The following RGS6 variants were observed in gnomAD, a reference collection of about 807,000 sequenced individuals.
RGS6 encodes regulator of G-protein signaling 6.
In RGS6, 30 loss-of-function variants were observed where a neutral mutation model predicts 78.5. That is an observed-to-expected ratio of 0.38 (90% CI 0.29 to 0.52). The LOEUF (loss-of-function observed/expected upper bound fraction) is 0.52. RGS6 is among the 20% of genes least tolerant of loss of function. RGS6 has a pLI of 0.85. For synonymous variants in RGS6, 206 were observed against 206.0 expected, an observed-to-expected ratio of 1.00 and a Z score of 0.00; for missense variants, 495 against 609.7, an observed-to-expected ratio of 0.81 and a Z score of 1.98.
chr14:72,289,249 G>A (rs955590250), intron 2 of RGS6, among the ~76,000 whole-genome samples: 4 of 151,962 alleles, frequency 2.6e-5, no homozygotes, highest in Non-Finnish European at 5.9e-5. Context: ...TAACCTGCAT[G>A]CTCTCCCTCT....
At chr14:72,115,342 T>G (rs2095862898) in intron 2 of RGS6, among the ~76,000 whole-genome samples, 1 of 152,074 alleles carries the variant, frequency 6.6e-6, no homozygotes, top group African/African-American at 2.4e-5. Context: ...GGTAGGCAGT[T>G]GGGAAGGGAA....
chr14:72,622,438 G>T, the RGS6 span, among the ~76,000 whole-genome samples: 1 of 152,076 alleles, frequency 6.6e-6, no homozygotes, highest in Non-Finnish European at 1.5e-5. Context: ...GATAATACAA[G>T]GAGAAACAAG....
chr14:72,312,679 T>G (rs1436876891), intron 2 of RGS6, among the ~76,000 whole-genome samples: 1 of 152,208 alleles, frequency 6.6e-6, no homozygotes, highest in African/African-American at 2.4e-5. Context: ...AGGTAGCTCA[T>G]GCGTCGACAG....
chr14:72,406,324 C>T (rs1347179824), intron 3 of RGS6, among the ~76,000 whole-genome samples: 2 of 151,942 alleles, frequency 1.3e-5, no homozygotes, highest in African/African-American at 4.8e-5. Context: ...GCAGAGGTTG[C>T]AGTGAGATGA....
At chr14:72,094,892 A>G (rs886539941) in intron 2 of RGS6, among the ~76,000 whole-genome samples, 4 of 152,190 alleles carry the variant, frequency 2.6e-5, no homozygotes, top group Non-Finnish European at 5.9e-5. Flanking sequence ...CTATTCTTGC[A>G]ATTACACAAC....
chr14:71,919,862 C>T, the RGS6 span, among the ~76,000 whole-genome samples: 1 of 152,130 alleles, frequency 6.6e-6, no homozygotes, highest in Non-Finnish European at 1.5e-5. Context: ...GGAATGGTTG[C>T]ATGTGCCTGT....
chr14:72,055,738 G>A (rs1197509813), intron 2 of RGS6, among the ~76,000 whole-genome samples: 1 of 152,086 alleles, frequency 6.6e-6, no homozygotes, highest in Admixed American at 6.5e-5. Flanking sequence ...ATCTTGACAA[G>A]CAAGCATAAG....
At chr14:72,165,861 C>G (rs1286052077) in intron 2 of RGS6, among the ~76,000 whole-genome samples, 1 of 152,096 alleles carries the variant, frequency 6.6e-6, no homozygotes. Flanking sequence ...AGTTAAAACC[C>G]TTTCAAGCAA....
intron 2 of RGS6, among the ~76,000 whole-genome samples, chr14:72,045,673 T>G (rs1331779700): frequency 6.6e-6 from 1 of 151,972 alleles, no homozygotes; most frequent in Non-Finnish European, 1.5e-5. Flanking sequence ...GCCTATGACC[T>G]TCACAAGTGT....
At chr14:71,945,356 A>T (rs74060414) in intron 1 of RGS6, among the ~76,000 whole-genome samples, 2,761 of 152,342 alleles carry the variant, frequency 0.018, 90 homozygotes, top group African/African-American at 0.063. Context: ...ATTCTGATTC[A>T]TACTAATTGT....
chr14:72,049,352 C>A (rs2093075323), intron 2 of RGS6, among the ~76,000 whole-genome samples: 1 of 152,178 alleles, frequency 6.6e-6, no homozygotes, highest in Admixed American at 6.5e-5. Flanking sequence ...TGGCCCCTGG[C>A]TTTACTTGTC....
chr14:72,092,488 G>A (rs1466595448), intron 2 of RGS6, among the ~76,000 whole-genome samples: 2 of 151,140 alleles, frequency 1.3e-5, no homozygotes, highest in Admixed American at 1.3e-4. Context: ...TTCAAGTGAT[G>A]CTCATGCCTC....
At chr14:72,422,135 A>G (rs58851060) in intron 3 of RGS6, among the ~76,000 whole-genome samples, 5,110 of 152,200 alleles carry the variant, frequency 0.034, 282 homozygotes, top group African/African-American at 0.12. Flanking sequence ...TATGTAAGAC[A>G]TGACTTGCAC....
At chr14:72,486,573 A>G (rs1253339368) in intron 12 of RGS6, among the ~76,000 whole-genome samples, 1 of 152,206 alleles carries the variant, frequency 6.6e-6, no homozygotes, top group Non-Finnish European at 1.5e-5. Context: ...GAGACCCAGC[A>G]TAAGGGTCAA....
chr14:71,988,101 T>G (rs2094799194), intron 2 of RGS6, among the ~76,000 whole-genome samples: 1 of 152,136 alleles, frequency 6.6e-6, no homozygotes, highest in South Asian at 2.1e-4. Context: ...TGGTGGCCAA[T>G]CTGCCAGGGA....
chr14:72,340,478 G>T (rs1222733905), intron 2 of RGS6, among the ~76,000 whole-genome samples: 5 of 152,148 alleles, frequency 3.3e-5, no homozygotes, highest in African/African-American at 1.2e-4. Flanking sequence ...TCAGGAGGAA[G>T]GGTAGTGGTC....
chr14:72,192,951 A>G (rs1014733085), intron 2 of RGS6, among the ~76,000 whole-genome samples: 3 of 150,826 alleles, frequency 2.0e-5, no homozygotes, highest in African/African-American at 7.3e-5. Context: ...TCATCCAGCC[A>G]TGGCAGATGC....
At chr14:72,248,399 A>G (rs1405773186) in intron 2 of RGS6, among the ~76,000 whole-genome samples, 1 of 152,132 alleles carries the variant, frequency 6.6e-6, no homozygotes, top group African/African-American at 2.4e-5. Flanking sequence ...AAAATTTCCT[A>G]TTTATGTTAA....
intron 6 of RGS6, 60 bp from the exon 7 acceptor site, chr14:72,465,698 G>A (rs190315167): frequency 1.7e-6 from 2 of 1,210,754 alleles, no homozygotes; most frequent in Non-Finnish European, 2.4e-6. Context: ...GGATGGATGG[G>A]CTTATAATTC....
Sources: allele counts gnomAD v4.1 joint callset (sites outside exome capture counted in the v4.1 genomes callset), GRCh38; gene constraint gnomAD v4.1.1; transcripts MANE v1.5; gene names NCBI Gene and HGNC (gene_info 2026-07-23, HGNC 2026-07-21).